FAT4: variants seen among roughly 807,000 people sequenced by gnomAD.
FAT4 encodes the protein FAT atypical cadherin 4.
In FAT4, 84 loss-of-function variants were observed where a neutral mutation model predicts 303.9. That is an observed-to-expected ratio of 0.28 (90% CI 0.23 to 0.33). FAT4 has a LOEUF of 0.33. Ranked by LOEUF, FAT4 falls within the 10% of genes least tolerant of loss-of-function variation. The pLI, the probability that FAT4 is intolerant of heterozygous loss-of-function variation, is 1.00. For synonymous variants in FAT4, 2,307 were observed against 2,298.8 expected (o/e 1.00, Z -0.10); for missense variants, 6,005 against 6,146.8 (o/e 0.98, Z 0.77).
At chr4:125,399,920 T>C (rs950500451) in intron 3 of FAT4, among the ~76,000 whole-genome samples, 7 of 151,960 alleles carry the variant, frequency 4.6e-5, no homozygotes, top group African/African-American at 1.4e-4. Context: ...TTAATATTTC[T>C]ATTGTTGATA....
intron 2 of FAT4, among the ~76,000 whole-genome samples, chr4:125,397,059 G>A (rs1734214657): frequency 6.6e-6 from 1 of 151,326 alleles, no homozygotes; most frequent in Non-Finnish European, 1.5e-5. Context: ...ATGTGGGACT[G>A]GAATTCTGAT....
chr4:125,445,358 T>G (rs1227246762), intron 8 of FAT4, among the ~76,000 whole-genome samples: 1 of 152,254 alleles, frequency 6.6e-6, no homozygotes, highest in Admixed American at 6.5e-5. Context: ...GCAGTTTATA[T>G]TAGATATATG....
chr4:125,409,371 C>T (rs1475675147), intron 5 of FAT4, among the ~76,000 whole-genome samples: 1 of 152,030 alleles, frequency 6.6e-6, no homozygotes. Context: ...ATTCTCCTGC[C>T]TCAGCCTCCC....
rs761073011 is a variant in FAT4 at position 125,450,852 on chromosome 4, G to A, written c.9842G>A (p.Cys3281Tyr). ...KAFNVPDEER[C>Y]SFATVNIQLK... is the part of the protein sequence containing the mutation. ...TTCAATGTCCCCGATGAGGAAAGGT[G>A]TAGCTTTGCCACTGTTAATATACAA... The change falls in exon 10 of 18, where the codon TGT becomes TAT. Residue 3281 changes from cysteine to tyrosine, a missense_variant. By Grantham distance (194) the Cys-to-Tyr change is radical (BLOSUM62 -2). Transcript: ENST00000394329. 3.1e-6 allele frequency: 5 copies of A among 1,614,132 alleles called. No individual in the cohort carries two copies. Among genetic ancestry groups the A allele is most frequent in the Non-Finnish European group, 4.2e-6 (5 of 1,180,022 alleles).
chr4:125,424,442 T>A (rs1186000605), intron 7 of FAT4, among the ~76,000 whole-genome samples: 1 of 152,186 alleles, frequency 6.6e-6, no homozygotes, highest in African/African-American at 2.4e-5. Context: ...ATTATAAGTT[T>A]CCTGAGGCCT....
At position 125,452,663 on chromosome 4, in the gene FAT4, G is replaced by A. The variant is rs754568245; in HGVS notation, c.11653G>A (p.Gly3885Arg). The A allele has an allele frequency of 1.2e-6, 2 of 1,614,112 alleles. No individual in the cohort carries two copies. Among genetic ancestry groups the A allele is most frequent in the Non-Finnish European group, 1.7e-6 (2 of 1,180,026 alleles). The change falls in exon 10 of 18, where the codon GGA becomes AGA. Residue 3885 changes from glycine (G) to arginine (R), a missense_variant. Gly to Arg is a moderately radical substitution (Grantham distance 125). Coordinates refer to ENST00000394329, the MANE Select transcript of FAT4 (RefSeq NM_001291303.3). Reference sequence around the variant, plus strand: ...TGGAACCTGTCACAATTTAGTGGGAGGATTTTCATGCAGCTGCCCAGATGG... The same window carrying A: ...TGGAACCTGTCACAATTTAGTGGGAAGATTTTCATGCAGCTGCCCAGATGG... Reference protein sequence around the residue: ...SGGTCHNLVGGFSCSCPDGFT... With the variant: ...SGGTCHNLVGRFSCSCPDGFT...
Position 125,451,300 on chromosome 4 carries a change from C to T in FAT4, c.10290C>T (p.Ala3430=), listed in dbSNP as rs746579341. ...PIGTHVTFVS[A]FDSDSIPSWS... Reference sequence around the variant, plus strand: ...GAACTCATGTGACCTTTGTCAGTGCCTTTGACTCAGACTCCATCCCCAGCT... The same window carrying T: ...GAACTCATGTGACCTTTGTCAGTGCTTTTGACTCAGACTCCATCCCCAGCT... The change falls in exon 10 of 18, where the codon GCC becomes GCT. Residue 3430 remains alanine (A), a synonymous_variant. Coordinates refer to ENST00000394329, the MANE Select transcript of FAT4 (RefSeq NM_001291303.3). The T allele has an allele frequency of 4.3e-6, 7 of 1,614,114 alleles. No homozygotes were observed. In the Admixed American group the frequency reaches 1.0e-4, roughly 23 times the overall value.
intron 2 of FAT4, among the ~76,000 whole-genome samples, chr4:125,325,259 A>T: frequency 6.6e-6 from 1 of 152,106 alleles, no homozygotes; most frequent in African/African-American, 2.4e-5. Flanking sequence ...CCTATTCCTG[A>T]TTTAGAAATA....
intron 17 of FAT4, among the ~76,000 whole-genome samples, chr4:125,488,143 T>G (rs1727476646): frequency 6.6e-6 from 1 of 152,172 alleles, no homozygotes; most frequent in South Asian, 2.1e-4. Context: ...ATCTGAATGA[T>G]GAGGAGGATG....
At position 125,317,358 on chromosome 4, in the gene FAT4, G is replaced by GAA. The variant is rs1214970691; in HGVS notation, c.947_948insAA (p.Arg317SerfsTer25). 6.2e-7 allele frequency: 1 copy of GAA among 1,612,806 alleles called. No homozygotes were observed. Among genetic ancestry groups the GAA allele is most frequent in the Non-Finnish European group, 8.5e-7 (1 of 1,179,654 alleles). ...CGGGAGCCCCTGGACTTCGAAGCTC[G>GAA]GCGCCAATACTCGCTTACGGTGCAG... On this transcript the variant is annotated frameshift_variant, in exon 2 of 18. Coordinates refer to ENST00000394329, the MANE Select transcript of FAT4 (RefSeq NM_001291303.3). LOFTEE classifies it high-confidence loss of function. This position sits in a 1 kb window ranked among gnomAD's most constrained non-coding sequence, Gnocchi z 7.0.
At chr4:125,390,905 A>G (rs921616924) in intron 2 of FAT4, among the ~76,000 whole-genome samples, 2 of 152,192 alleles carry the variant, frequency 1.3e-5, no homozygotes, top group African/African-American at 4.8e-5. Flanking sequence ...TATGTGGCCA[A>G]CAAACATGAA....
In FAT4 at chr4:125,363,772, G is replaced by A. The variant is rs1349746088; in HGVS notation, c.5176-35012G>A. On this transcript the variant is annotated intron_variant, in intron 2 of 17. Transcript: ENST00000394329. ...GCCTCTCAAAGTACTGGGATTGCAG[G>A]TGTGAGCCACCGTGCCTGGCCTGTA... Among the ~76,000 whole-genome samples, 5 of 152,206 alleles carry A rather than the reference G, an allele frequency of 3.3e-5. No individual in the cohort carries two copies. The South Asian group carries it at 8.3e-4, about 25-fold the overall frequency.
rs750034383 is a variant in FAT4, at chr4:125,379,248, GT to G, written c.5176-19523del. ...AACATGCGGAACAATCTTTTAAAAA[GT>G]TTTTTTTTTTTTAAAGTAGGAAGTA... On this transcript the variant is annotated intron_variant, in intron 2 of 17. Transcript: ENST00000394329. Among the ~76,000 whole-genome samples, 590 of 139,858 alleles carry G rather than the reference GT, an allele frequency of 4.2e-3. 3 individuals are homozygous for G. The highest frequency in any genetic ancestry group is 7.9e-3 in the African/African-American group (305 of 38,410). 91.8% of individuals were successfully genotyped at this position (139,858 alleles called of 152,430 possible). A position where few individuals can be genotyped will look rare whatever the true frequency, so the allele number is the denominator to read the frequency against.
At position 125,449,643 on chromosome 4, in the gene FAT4, C is replaced by A; in HGVS notation, c.8633C>A (p.Ser2878Tyr). 1 of 1,613,898 alleles carries A rather than the reference C, an allele frequency of 6.2e-7. No individual in the cohort carries two copies. The highest frequency in any genetic ancestry group is 8.5e-7 in the Non-Finnish European group (1 of 1,179,918). ...AATGCTCCAAGATTTAGCAGAACTT[C>A]CTATTATTTAGATTGCCCTGAACTT... ...NDNAPRFSRT[S>Y]YYLDCPELTE... is the part of the protein sequence containing the mutation. Residue 2878 changes from serine to tyrosine, a missense_variant, in exon 10 of 18, where the codon TCC becomes TAC. By Grantham distance (144) the Ser-to-Tyr change is moderately radical. Coordinates refer to ENST00000394329, the MANE Select transcript of FAT4 (RefSeq NM_001291303.3).
intron 3 of FAT4, among the ~76,000 whole-genome samples, chr4:125,403,076 C>G (rs1206898476): frequency 2.6e-5 from 4 of 151,842 alleles, no homozygotes; most frequent in Non-Finnish European, 5.9e-5. Context: ...TAAATTTAAG[C>G]CATCATGTTT....
chr4:125,401,119 A>G (rs1363879628), intron 3 of FAT4, among the ~76,000 whole-genome samples: 4 of 152,048 alleles, frequency 2.6e-5, no homozygotes, highest in African/African-American at 9.7e-5. Context: ...TTTTAAAGAA[A>G]AAGCTCACAA....
intron 2 of FAT4, among the ~76,000 whole-genome samples, chr4:125,355,475 C>T (rs529461330): frequency 1.3e-5 from 2 of 152,052 alleles, no homozygotes; most frequent in Non-Finnish European, 2.9e-5. Flanking sequence ...AATAATATTA[C>T]GAACTTGGTT....
intron 7 of FAT4, among the ~76,000 whole-genome samples, chr4:125,433,696 G>A (rs944309742): frequency 1.3e-5 from 2 of 152,160 alleles, no homozygotes; most frequent in Admixed American, 6.5e-5. Context: ...ATTCTAGCAC[G>A]TAGAAGATAA....
intron 2 of FAT4, among the ~76,000 whole-genome samples, chr4:125,343,161 T>C (rs1370822799): frequency 6.6e-6 from 1 of 152,140 alleles, no homozygotes; most frequent in African/African-American, 2.4e-5. Context: ...TCAATTTTTT[T>C]CCCATGTAAA....
Sources: allele counts gnomAD v4.1 joint callset (sites outside exome capture counted in the v4.1 genomes callset), GRCh38; gene constraint gnomAD v4.1.1; non-coding constraint Gnocchi (gnomAD v3.1); transcripts MANE v1.5; gene names NCBI Gene and HGNC (gene_info 2026-07-23, HGNC 2026-07-21).